Variants in DUSP10 observed in about 807,000 individuals in gnomAD.
DUSP10 encodes the protein dual specificity protein phosphatase 10.
Under a neutral mutation model 30.8 loss-of-function variants are expected in DUSP10, and 14 were observed. The observed-to-expected ratio is 0.46, with a 90% CI of 0.30 to 0.71. The LOEUF (loss-of-function observed/expected upper bound fraction) is 0.71. DUSP10 is among the 30% of genes least tolerant of loss of function. DUSP10 has a pLI of 0.08. For synonymous variants in DUSP10, 254 were observed against 250.4 expected (o/e 1.01, Z -0.14); for missense variants, 550 against 619.4 (o/e 0.89, Z 1.19).
intron 2 of DUSP10, among the ~76,000 whole-genome samples, chr1:221,721,956 C>T (rs1200674926): frequency 6.6e-6 from 1 of 152,198 alleles, no homozygotes; most frequent in African/African-American, 2.4e-5. Flanking sequence ...TAAGCAGTAA[C>T]AGATGATTCT....
intron 2 of DUSP10, among the ~76,000 whole-genome samples, chr1:221,710,442 T>G (rs1241456090): frequency 6.6e-6 from 1 of 152,050 alleles, no homozygotes; most frequent in Non-Finnish European, 1.5e-5. Flanking sequence ...ATGATTAAAG[T>G]GGTTAATAAA....
intron 2 of DUSP10, among the ~76,000 whole-genome samples, chr1:221,725,698 T>G (rs1661405598): frequency 6.6e-6 from 1 of 152,218 alleles, no homozygotes; most frequent in Admixed American, 6.5e-5. Context: ...TTCTGATGTG[T>G]TTTTGCTGCC....
chr1:221,719,971 A>G (rs1238447156), intron 2 of DUSP10, among the ~76,000 whole-genome samples: 1 of 152,212 alleles, frequency 6.6e-6, no homozygotes, highest in African/African-American at 2.4e-5. Flanking sequence ...AATGGCAAGA[A>G]CAAAATCAGC....
chr1:221,708,739 A>G (rs1352703832), intron 2 of DUSP10, among the ~76,000 whole-genome samples: 4 of 152,246 alleles, frequency 2.6e-5, no homozygotes, highest in Non-Finnish European at 4.4e-5. Flanking sequence ...CATTGTCATC[A>G]TCACAGCCTC....
chr1:221,728,871 T>C (rs1010377778), intron 2 of DUSP10, among the ~76,000 whole-genome samples: 2 of 152,192 alleles, frequency 1.3e-5, no homozygotes, highest in South Asian at 2.1e-4. Flanking sequence ...GGTTTATTAA[T>C]GTGTGCAAAA....
chr1:221,714,443 C>T (rs1019858815), intron 2 of DUSP10, among the ~76,000 whole-genome samples: 5 of 152,114 alleles, frequency 3.3e-5, no homozygotes, highest in Admixed American at 6.5e-5. Context: ...TTCAAAATGG[C>T]GGCTCCATCT....
chr1:221,737,113 T>C, intron 2 of DUSP10: 1 of 985,410 alleles, frequency 1.0e-6, no homozygotes, highest in Non-Finnish European at 1.2e-6. Flanking sequence ...GGGTCACCCC[T>C]ATCCACAACT....
intron 1 of DUSP10, 108 bp from the exon 2 acceptor site, chr1:221,739,895 C>T: frequency 8.5e-7 from 1 of 1,170,912 alleles, no homozygotes; most frequent in South Asian, 1.9e-5. Context: ...CAAAGTCGTC[C>T]TAATTGCCCT....
At chr1:221,709,538 G>A (rs1376166806) in intron 2 of DUSP10, among the ~76,000 whole-genome samples, 1 of 152,092 alleles carries the variant, frequency 6.6e-6, no homozygotes, top group Non-Finnish European at 1.5e-5. Flanking sequence ...TTCTCCTTGA[G>A]GGGTCTGAAG....
At position 221,702,386 on chromosome 1, in the gene DUSP10, A is replaced by G; in HGVS notation, c.*26T>C. ...TCCTCATTGTCTCCTAATGGAGAGCAGCAATCCTTTCCATCCAGACCATTG... is the reference window on the plus strand; with the variant it reads ...TCCTCATTGTCTCCTAATGGAGAGCGGCAATCCTTTCCATCCAGACCATTG... On this transcript the variant is annotated 3_prime_UTR_variant, in exon 4 of 4. Coordinates refer to ENST00000366899, the MANE Select transcript of DUSP10 (RefSeq NM_007207.6). The surrounding 1 kb of genome is among the most constrained non-coding windows in gnomAD (Gnocchi z 4.5). The G allele has an allele frequency of 6.2e-7, 1 of 1,610,534 alleles. No homozygotes were observed. The highest frequency in any genetic ancestry group is 8.5e-7 in the Non-Finnish European group (1 of 1,177,816).
At chr1:221,720,655 G>T (rs942211145) in intron 2 of DUSP10, among the ~76,000 whole-genome samples, 4 of 152,202 alleles carry the variant, frequency 2.6e-5, no homozygotes, top group Non-Finnish European at 5.9e-5. Flanking sequence ...GCTAGTGTCT[G>T]CTGGAAGACT....
In DUSP10 at chr1:221,706,369, G is replaced by A; in HGVS notation, c.909C>T (p.Ala303=). ...GGATGGGCTGAGGTAGCAAGCTCGA[G>A]GCCGCGGATGCGCCGCCCCCCACCT... ...CREVGGGASA[A]SSLLPQPIPT... The change falls in exon 3 of 4, where the codon GCC becomes GCT. Residue 303 remains alanine (A), a synonymous_variant. Transcript: ENST00000366899. The surrounding 1 kb of genome is among the most constrained non-coding windows in gnomAD (Gnocchi z 4.6). The A allele has an allele frequency of 6.3e-7, 1 of 1,596,608 alleles. No individual in the cohort carries two copies.
rs770815036 is a variant in DUSP10, at chr1:221,706,350, G to A, written c.928C>T (p.Pro310Ser). The A allele has an allele frequency of 2.5e-6, 4 of 1,608,320 alleles. No individual in the cohort carries two copies. Among genetic ancestry groups the A allele is most frequent in the Non-Finnish European group, 3.4e-6 (4 of 1,175,430 alleles). Residue 310 changes from proline (P) to serine (S), a missense_variant, in exon 3 of 4, where the codon CCC becomes TCC. Pro to Ser is a moderately conservative substitution (Grantham distance 74, BLOSUM62 -1). Coordinates refer to ENST00000366899, the MANE Select transcript of DUSP10 (RefSeq NM_007207.6). The surrounding 1 kb of genome is among the most constrained non-coding windows in gnomAD (Gnocchi z 4.6). The stretch of plus-strand genomic sequence containing the variant: ...TCGATGTCAGGGGTGGTGGGGATGG[G>A]CTGAGGTAGCAAGCTCGAGGCCGCG... The part of the protein sequence containing the change: ...ASAASSLLPQ[P>S]IPTTPDIENA...
At chr1:221,716,111 G>A (rs1183633466) in intron 2 of DUSP10, among the ~76,000 whole-genome samples, 1 of 151,728 alleles carries the variant, frequency 6.6e-6, no homozygotes, top group African/African-American at 2.4e-5. Flanking sequence ...AGCAGTAGAT[G>A]GGAAGAAAAC....
chr1:221,713,229 C>T (rs544099238), intron 2 of DUSP10, among the ~76,000 whole-genome samples: 2 of 152,298 alleles, frequency 1.3e-5, no homozygotes, highest in African/African-American at 2.4e-5. Context: ...ATGAGGACAG[C>T]CCACTGTAGC....
chr1:221,741,317 C>A (rs1661947242), intron 1 of DUSP10, among the ~76,000 whole-genome samples: 1 of 152,190 alleles, frequency 6.6e-6, no homozygotes, highest in South Asian at 2.1e-4. Context: ...TGGTAGGACA[C>A]GTCCAGGATC....
intron 2 of DUSP10, among the ~76,000 whole-genome samples, chr1:221,709,580 A>C (rs1307814669): frequency 2.6e-5 from 4 of 152,206 alleles, no homozygotes; most frequent in Admixed American, 2.6e-4. Context: ...CCACTCTGCT[A>C]ATCAACTTGG....
intron 2 of DUSP10, among the ~76,000 whole-genome samples, chr1:221,718,121 G>A (rs915455380): frequency 1.4e-5 from 2 of 147,824 alleles, no homozygotes; most frequent in East Asian, 2.0e-4. Flanking sequence ...GGGTGGGGGC[G>A]GGGGCTGCAG....
rs867739134 is a variant in DUSP10 at position 221,706,245 on chromosome 1, G to C, written c.1033C>G (p.Arg345Gly). Residue 345 changes from arginine to glycine, a missense_variant, in exon 3 of 4, where the codon CGG becomes GGG. Arg to Gly is a moderately radical substitution (Grantham distance 125, BLOSUM62 -2). Transcript: ENST00000366899. This position sits in a 1 kb window ranked among gnomAD's most constrained non-coding sequence, Gnocchi z 4.6. ...QDAQDLDTMQ[R>G]LNIGYVINVT... The stretch of plus-strand genomic sequence containing the variant: ...TTGATGACGTAGCCGATGTTCAGCC[G>C]CTGCATGGTGTCCAGGTCCTGAGCA... The C allele has an allele frequency of 6.2e-7, 1 of 1,614,174 alleles. No individual in the cohort carries two copies. Among genetic ancestry groups the C allele is most frequent in the South Asian group, 1.1e-5 (1 of 91,086 alleles).
Sources: gnomAD v4.1 joint callset for allele counts (sites outside exome capture counted in the v4.1 genomes callset) on GRCh38, gnomAD v4.1.1 for gene constraint, Gnocchi (gnomAD v3.1) non-coding constraint, MANE v1.5 for transcripts, NCBI Gene and HGNC (gene_info 2026-07-23, HGNC 2026-07-21) for gene names.